AGBL1: variants seen among roughly 807,000 people sequenced by gnomAD.
AGBL1 encodes cytosolic carboxypeptidase 4.
AGBL1 carries 130 observed loss-of-function variants against 118.9 expected under a neutral mutation model. The ratio of observed to expected loss-of-function variants is 1.09; its 90% CI spans 0.95 to 1.26. AGBL1 has a LOEUF of 1.26. Among genes scored for constraint, AGBL1 ranks in the 50% most tolerant of loss-of-function variants. AGBL1 has a pLI of 0.00. For synonymous variants in AGBL1, 555 were observed against 478.9 expected, an observed-to-expected ratio of 1.16 and a Z score of -2.08; for missense variants, 1,584 against 1,298.1, an observed-to-expected ratio of 1.22 and a Z score of -3.38.
intron 18 of AGBL1, among the ~76,000 whole-genome samples, chr15:86,413,721 T>A (rs146866359): frequency 2.0e-5 from 3 of 152,280 alleles, no homozygotes; most frequent in Admixed American, 1.3e-4. Flanking sequence ...AATGGGGTTA[T>A]TTATTTATTT....
chr15:86,721,324 G>T (rs541442681), intron 22 of AGBL1, among the ~76,000 whole-genome samples: 3 of 152,242 alleles, frequency 2.0e-5, no homozygotes, highest in South Asian at 4.2e-4. Context: ...CTTCATCCCT[G>T]GGATGCAAGA....
At chr15:86,467,453 C>G (rs1236741364) in intron 18 of AGBL1, among the ~76,000 whole-genome samples, 1 of 152,188 alleles carries the variant, frequency 6.6e-6, no homozygotes, top group Non-Finnish European at 1.5e-5. Context: ...GGCTTGCTGA[C>G]TTCAGCCCCC....
At chr15:86,449,228 C>T (rs1351887891) in intron 18 of AGBL1, among the ~76,000 whole-genome samples, 1 of 152,146 alleles carries the variant, frequency 6.6e-6, no homozygotes, top group African/African-American at 2.4e-5. Flanking sequence ...GATAACTGTG[C>T]CTGTTTACTA....
chr15:86,241,784 T>C (rs1464645966), intron 6 of AGBL1, among the ~76,000 whole-genome samples: 1 of 152,200 alleles, frequency 6.6e-6, no homozygotes, highest in East Asian at 1.9e-4. Context: ...ACTGTAACAT[T>C]GAGTAACTTA....
At chr15:86,473,374 CT>C (rs1017155796) in intron 18 of AGBL1, among the ~76,000 whole-genome samples, 1 of 152,056 alleles carries the variant, frequency 6.6e-6, no homozygotes, top group African/African-American at 2.4e-5. Flanking sequence ...CTCTATTGAT[CT>C]TTTTTTATCT....
intron 5 of AGBL1, among the ~76,000 whole-genome samples, chr15:86,168,070 T>C (rs2141740342): frequency 6.6e-6 from 1 of 152,354 alleles, no homozygotes; most frequent in African/African-American, 2.4e-5. Context: ...TTGTCCTCTT[T>C]TAACTATCCA....
intron 22 of AGBL1, among the ~76,000 whole-genome samples, chr15:86,785,028 AG>A (rs2078386823): frequency 1.3e-5 from 2 of 152,204 alleles, no homozygotes; most frequent in African/African-American, 2.4e-5. Flanking sequence ...ATTAAGAGGA[AG>A]GCTGTACTTT....
At chr15:86,674,498 C>G in intron 22 of AGBL1, 62 bp downstream of exon 22, 3 of 1,517,314 alleles carry the variant, frequency 2.0e-6, no homozygotes, top group Non-Finnish European at 2.7e-6. Context: ...CTCAATATCT[C>G]AGTAATGAAA....
intron 19 of AGBL1, 33 bp from the exon 20 acceptor site, chr15:86,545,969 G>A (rs762109145): frequency 1.2e-6 from 2 of 1,604,780 alleles, no homozygotes; most frequent in Non-Finnish European, 1.7e-6. Flanking sequence ...GACCTGACCT[G>A]GTTTTATTTT....
intron 6 of AGBL1, among the ~76,000 whole-genome samples, chr15:86,246,675 C>T (rs1326467801): frequency 6.7e-6 from 1 of 150,242 alleles, no homozygotes; most frequent in Non-Finnish European, 1.5e-5. Context: ...CAGGGTATGA[C>T]TGGGTTTCAA....
intron 16 of AGBL1, among the ~76,000 whole-genome samples, chr15:86,293,150 C>T (rs1426968122): frequency 6.6e-6 from 1 of 152,124 alleles, no homozygotes; most frequent in Non-Finnish European, 1.5e-5. Flanking sequence ...GGGATTTGTA[C>T]TTACTTTAGG....
At chr15:86,309,272 T>C (rs2141820006) in intron 17 of AGBL1, among the ~76,000 whole-genome samples, 1 of 152,356 alleles carries the variant, frequency 6.6e-6, no homozygotes, top group South Asian at 2.1e-4. Flanking sequence ...ATTCTGCAAC[T>C]TACCAAATTT....
intron 22 of AGBL1, among the ~76,000 whole-genome samples, chr15:86,837,061 C>A (rs1035801279): frequency 1.3e-5 from 2 of 152,190 alleles, no homozygotes; most frequent in Admixed American, 1.3e-4. Context: ...GCCACACACA[C>A]TCCTTTCCCC....
rs1300752653 is a variant in AGBL1, at chr15:86,914,010, G to A, written c.*6716G>A. ...CAGACAAGTATTATGACCAGCTCCT[G>A]GCAAAATAAGTAACACTTAAGCATA... is the stretch of plus-strand genomic sequence containing the variant. On this transcript the variant is annotated 3_prime_UTR_variant, in exon 23 of 23. Coordinates refer to ENST00000614907, the MANE Select transcript of AGBL1 (RefSeq NM_001386094.1). 6.6e-6 allele frequency: 1 copy of A among 152,294 alleles called. No individual in the cohort carries two copies. The highest frequency in any genetic ancestry group is 1.5e-5 in the Non-Finnish European group (1 of 68,032). The allele number at this position is 152,294 out of a possible 1,614,324, so 9.4% of individuals were successfully genotyped here. A position where few individuals can be genotyped will look rare whatever the true frequency, so the allele number is the denominator to read the frequency against.
chr15:86,424,923 T>G (rs61602301), intron 18 of AGBL1, among the ~76,000 whole-genome samples: 3,384 of 152,262 alleles, frequency 0.022, 124 homozygotes, highest in African/African-American at 0.078. Context: ...GAAATAGGCA[T>G]GCTTTTACAC....
At chr15:87,016,038 C>T (rs967918632) in intron 24 of AGBL1, among the ~76,000 whole-genome samples, 12 of 152,150 alleles carry the variant, frequency 7.9e-5, no homozygotes, top group African/African-American at 2.7e-4. Flanking sequence ...GACTTTATTG[C>T]TTAACCAAGT....
intron 21 of AGBL1, among the ~76,000 whole-genome samples, chr15:86,557,261 T>C (rs975432817): frequency 2.6e-5 from 4 of 152,182 alleles, no homozygotes; most frequent in Non-Finnish European, 4.4e-5. Flanking sequence ...ATGCATCCTT[T>C]GGGGGCTCAT....
At chr15:86,812,974 A>G (rs1431559195) in intron 22 of AGBL1, among the ~76,000 whole-genome samples, 1 of 152,072 alleles carries the variant, frequency 6.6e-6, no homozygotes, top group Non-Finnish European at 1.5e-5. Context: ...AAGGCTTTAC[A>G]GGTGAGGAAA....
intron 22 of AGBL1, among the ~76,000 whole-genome samples, chr15:86,782,991 A>G (rs2078355892): frequency 6.6e-6 from 1 of 152,194 alleles, no homozygotes; most frequent in Non-Finnish European, 1.5e-5. Flanking sequence ...GTTTGTTTTA[A>G]GTGATGTTTC....
Sources: gnomAD v4.1 joint callset for allele counts (sites outside exome capture counted in the v4.1 genomes callset) on GRCh38, gnomAD v4.1.1 for gene constraint, MANE v1.5 for transcripts, NCBI Gene and HGNC (gene_info 2026-07-23, HGNC 2026-07-21) for gene names.